PARPBP: variants seen among roughly 807,000 people sequenced by gnomAD.
The protein encoded by PARPBP is PARP1 binding protein, also known as PCNA-interacting partner.
In PARPBP, 52 loss-of-function variants were observed where a neutral mutation model predicts 50.0. The observed-to-expected ratio is 1.04, with a 90% confidence interval of 0.83 to 1.31. The LOEUF is 1.31. Among genes scored for constraint, PARPBP ranks in the 50% most tolerant of loss-of-function variants. The probability of loss-of-function intolerance (pLI) is 0.00; values close to 1 mark genes in which losing one functional copy is unlikely to be tolerated. For synonymous variants in PARPBP, 244 were observed against 232.1 expected (o/e 1.05, Z -0.47); for missense variants, 697 against 672.0 (o/e 1.04, Z -0.41).
rs113643180 is a variant in PARPBP at position 102,150,431 on chromosome 12, T to C, written c.387+1968T>C. On this transcript the variant is annotated intron_variant, in intron 3 of 10. Coordinates refer to ENST00000327680, the MANE Select transcript of PARPBP (RefSeq NM_017915.5). The stretch of plus-strand genomic sequence containing the variant: ...TCATGATCCTGAATTTTCATAATCC[T>C]GATAAAGTTTCTTTGTTTCATATTT... The C allele has an allele frequency of 2.5e-3, 831 of 337,098 alleles. 5 individuals carry two copies. The highest frequency in any genetic ancestry group is 0.016 in the African/African-American group (696 of 44,760). The allele number at this position is 337,098 out of a possible 1,614,324, so 20.9% of individuals were successfully genotyped here. A position where few individuals can be genotyped will look rare whatever the true frequency, so the allele number is the denominator to read the frequency against.
intron 2 of PARPBP, among the ~76,000 whole-genome samples, chr12:102,143,816 C>A (rs1016008397): frequency 2.0e-5 from 3 of 151,858 alleles, no homozygotes; most frequent in Admixed American, 2.0e-4. Context: ...GAGAAACTTA[C>A]AATATTCCAT....
At chr12:102,121,538 T>C (rs1881080360) in intron 1 of PARPBP, among the ~76,000 whole-genome samples, 1 of 147,874 alleles carries the variant, frequency 6.8e-6, no homozygotes, top group Non-Finnish European at 1.5e-5. Context: ...GTCACCATAG[T>C]AATGCTCTTT....
Position 102,195,291 on chromosome 12 carries a change from CTTCT to C in PARPBP, c.1264-12_1264-9del, listed in dbSNP as rs748096378. 9.1e-5 allele frequency: 129 copies of C among 1,418,206 alleles called. No individual in the cohort carries two copies. Among genetic ancestry groups the C allele is most frequent in the East Asian group, 1.4e-4 (6 of 41,664 alleles). The allele number at this position is 1,418,206 out of a possible 1,614,324, so 87.9% of individuals were successfully genotyped here. On this transcript the variant is annotated splice_polypyrimidine_tract_variant and intron_variant, in intron 9 of 10. Coordinates refer to ENST00000327680, the MANE Select transcript of PARPBP (RefSeq NM_017915.5). ...AATAATGAATAAATTTGCATATTTT[CTTCT>C]TTCTTTCTGTTACTAGATGAAGCAA...
rs1054204760 is a variant in PARPBP, at chr12:102,124,034, A to G, written c.146A>G (p.Asn49Ser). The change falls in exon 2 of 11, where the codon AAC (asparagine) becomes AGC (serine). Residue 49 changes from asparagine to serine, a missense_variant. Transcript: ENST00000327680. ...LALQLSMAEN[N>S]KQHSGEFTVS... is the part of the protein sequence containing the mutation. ...TTGCAGCTTTCTATGGCGGAGAACA[A>G]CAAACAGGTTGGTAAACTATATTTG... 4 of 1,533,848 alleles carry G rather than the reference A, an allele frequency of 2.6e-6. No individual in the cohort carries two copies. The highest frequency in any genetic ancestry group is 3.9e-5 in the Admixed American group (2 of 50,866).
Position 102,178,761 on chromosome 12 carries a change from C to G in PARPBP, c.1175C>G (p.Thr392Arg), listed in dbSNP as rs751202265. ...TIHHHGTSIL[T>R]LFRSPTQVNN... ...CATCATCATGGAACGTCTATTCTTACACTTTTTAGGTAAGTTATGTGGAAG... is the reference window on the plus strand; with the variant it reads ...CATCATCATGGAACGTCTATTCTTAGACTTTTTAGGTAAGTTATGTGGAAG... Residue 392 changes from threonine to arginine, a missense_variant, in exon 8 of 11, where the codon ACA (threonine) becomes AGA (arginine). Thr to Arg is a moderately conservative substitution (Grantham distance 71). Transcript: ENST00000327680. The G allele has an allele frequency of 3.8e-6, 6 of 1,598,440 alleles. No individual in the cohort carries two copies. In the African/African-American group the frequency reaches 6.7e-5, roughly 18 times the overall value.
intron 3 of PARPBP, chr12:102,149,063 A>G (rs561657957): frequency 6.6e-6 from 1 of 152,264 alleles, no homozygotes; most frequent in South Asian, 2.1e-4. Flanking sequence ...ATTTGGGTGT[A>G]TCTAGTTATT....
At chr12:102,170,192 C>G (rs887116416) in intron 6 of PARPBP, among the ~76,000 whole-genome samples, 2 of 152,186 alleles carry the variant, frequency 1.3e-5, no homozygotes, top group African/African-American at 2.4e-5. Context: ...ATTAATAGTT[C>G]CCTGTTGTTC....
intron 5 of PARPBP, 56 bp from the exon 6 acceptor site, chr12:102,165,673 A>G: frequency 7.4e-7 from 1 of 1,356,552 alleles, no homozygotes; most frequent in Non-Finnish European, 1.0e-6. Context: ...TTTATGAAGT[A>G]AATTACAGTT....
In PARPBP at chr12:102,143,205, C is replaced by T. The variant is rs116161001; in HGVS notation, c.154-5025C>T. Among the ~76,000 whole-genome samples the T allele has an allele frequency of 6.0e-3, 906 of 152,242 alleles. 7 individuals carry two copies. Among genetic ancestry groups the T allele is most frequent in the African/African-American group, 0.019 (799 of 41,574 alleles). Reference sequence around the variant, plus strand: ...CTCAGCAATGGCAGACGCCCCCCACCCCCAGCTGCCTTGCAGTTCGATCTC... The same window carrying T: ...CTCAGCAATGGCAGACGCCCCCCACTCCCAGCTGCCTTGCAGTTCGATCTC... On this transcript the variant is annotated intron_variant, in intron 2 of 10. Transcript: ENST00000327680.
chr12:102,187,499 A>T (rs1890400697), intron 9 of PARPBP, among the ~76,000 whole-genome samples: 1 of 152,164 alleles, frequency 6.6e-6, no homozygotes, highest in Non-Finnish European at 1.5e-5. Flanking sequence ...AAATTATCCA[A>T]ATGCTTTCCT....
Position 102,182,930 on chromosome 12 carries a change from A to T in PARPBP, c.1263+303A>T, listed in dbSNP as rs181870690. On this transcript the variant is annotated intron_variant, in intron 9 of 10. Coordinates refer to ENST00000327680, the MANE Select transcript of PARPBP (RefSeq NM_017915.5). ...AGTGATGTGGAAAATAAAAGAAGAT[A>T]AGGCTTTCTCATTTACATTTCTATA... 6.6e-5 allele frequency among the ~76,000 whole-genome samples: 10 copies of T among 152,314 alleles called. No individual in the cohort carries two copies. In the East Asian group the frequency reaches 1.9e-3, roughly 29 times the overall value.
intron 4 of PARPBP, among the ~76,000 whole-genome samples, chr12:102,156,153 T>C (rs1565879039): frequency 6.6e-6 from 1 of 150,378 alleles, no homozygotes; most frequent in African/African-American, 2.5e-5. Context: ...TGATCACTCA[T>C]ATTTGGCTCA....
intron 3 of PARPBP, among the ~76,000 whole-genome samples, chr12:102,152,345 GT>G (rs146876894): frequency 0.19 from 28,169 of 152,134 alleles, 2,656 homozygotes; most frequent in Non-Finnish European, 0.21. Flanking sequence ...CCAGATCAAG[GT>G]TCCAGTTCTC....
intron 2 of PARPBP, among the ~76,000 whole-genome samples, chr12:102,142,693 T>G (rs1339241829): frequency 1.3e-5 from 2 of 152,338 alleles, no homozygotes; most frequent in Admixed American, 1.3e-4. Flanking sequence ...TTTCTGTTTG[T>G]TAGTTTTCCT....
intron 9 of PARPBP, among the ~76,000 whole-genome samples, chr12:102,193,833 T>G (rs1298114826): frequency 6.6e-6 from 1 of 152,036 alleles, no homozygotes; most frequent in African/African-American, 2.4e-5. Flanking sequence ...TCATAGGGAT[T>G]CATGAAGGTA....
chr12:102,152,037 A>G (rs1886273355), intron 3 of PARPBP: 1 of 471,612 alleles, frequency 2.1e-6, no homozygotes, highest in Admixed American at 3.6e-5. Flanking sequence ...TGCTTTATCA[A>G]AAAGTTTTCT....
chr12:102,196,578 G>C lies in PARPBP; in HGVS notation c.*287G>C. 9.7e-7 allele frequency: 1 copy of C among 1,032,886 alleles called. No individual in the cohort carries two copies. The highest frequency in any genetic ancestry group is 1.5e-6 in the Non-Finnish European group (1 of 650,974). The allele number at this position is 1,032,886 out of a possible 1,614,324, so 64.0% of individuals were successfully genotyped here. A position where few individuals can be genotyped will look rare whatever the true frequency, so the allele number is the denominator to read the frequency against. On this transcript the variant is annotated 3_prime_UTR_variant, in exon 11 of 11. Coordinates refer to ENST00000327680, the MANE Select transcript of PARPBP (RefSeq NM_017915.5). ...TTAACATACACAAGTTATAGTAGCA[G>C]TATGGGCTTCTCCTCCCATTGGCAA...
chr12:102,155,147 C>G (rs111577978), intron 4 of PARPBP: 1 of 169,538 alleles, frequency 5.9e-6, no homozygotes, highest in African/African-American at 2.4e-5. Context: ...TCTTATGTCT[C>G]TCTAAAACAT....
intron 9 of PARPBP, 138 bp from the exon 10 acceptor site, chr12:102,195,172 TAG>T: frequency 2.1e-6 from 1 of 475,726 alleles, no homozygotes; most frequent in Non-Finnish European, 3.6e-6. Context: ...TATAAAAGGT[TAG>T]AGAGAGGTTC....
Sources: allele counts gnomAD v4.1 joint callset (sites outside exome capture counted in the v4.1 genomes callset), GRCh38; gene constraint gnomAD v4.1.1; transcripts MANE v1.5; gene names NCBI Gene and HGNC (gene_info 2026-07-23, HGNC 2026-07-21).